Variants in ADAMTS12 observed in about 807,000 individuals in gnomAD.
ADAMTS12 encodes the protein ADAM metallopeptidase with thrombospondin type 1 motif 12.
In ADAMTS12, 118 loss-of-function variants were observed where a neutral mutation model predicts 167.8. The observed-to-expected ratio is 0.70, with a 90% CI of 0.61 to 0.82. The LOEUF is 0.82. Ranked by LOEUF, ADAMTS12 falls within the 40% of genes least tolerant of loss-of-function variation. The pLI, the probability that ADAMTS12 is intolerant of heterozygous loss-of-function variation, is 0.00. For missense variants in ADAMTS12, 1,916 were observed against 1,998.8 expected (o/e 0.96, Z 0.79); for synonymous variants, 704 against 716.9 (o/e 0.98, Z 0.29).
intron 3 of ADAMTS12, among the ~76,000 whole-genome samples, chr5:33,727,971 C>T (rs1744046478): frequency 6.6e-6 from 1 of 152,182 alleles, no homozygotes; most frequent in African/African-American, 2.4e-5. Flanking sequence ...AATGCAAGCC[C>T]TCAATAGATA....
intron 2 of ADAMTS12, among the ~76,000 whole-genome samples, chr5:33,815,227 T>C (rs1423480811): frequency 6.6e-6 from 1 of 152,192 alleles, no homozygotes; most frequent in African/African-American, 2.4e-5. Context: ...GTCAGGGAAG[T>C]TGTTACAAAC....
intron 2 of ADAMTS12, among the ~76,000 whole-genome samples, chr5:33,821,978 C>T (rs978947361): frequency 6.6e-6 from 1 of 152,160 alleles, no homozygotes; most frequent in African/African-American, 2.4e-5. Context: ...TACTCTTCCA[C>T]GTGTTTAATC....
In ADAMTS12 at chr5:33,561,177, G is replaced by A. The variant is rs746172500; in HGVS notation, c.3975C>T (p.Cys1325=). The A allele has an allele frequency of 2.5e-6, 4 of 1,613,700 alleles. No homozygotes were observed. The highest frequency in any genetic ancestry group is 2.7e-5 in the African/African-American group (2 of 75,050). ...AHWIVGNWSE[C]STTCGLGAYW... is the part of the protein sequence containing the mutation. ...AGGCCCCCAGGCCACATGTGGTGGA[G>A]CACTGTAGCAGGGAAGGAGAGAGAT... The change falls in exon 20 of 24, where the codon TGC becomes TGT. Residue 1325 remains cysteine (C), a splice_region_variant and synonymous_variant. Coordinates refer to ENST00000504830, the MANE Select transcript of ADAMTS12 (RefSeq NM_030955.4).
Position 33,740,292 on chromosome 5 carries a change from T to C in ADAMTS12, c.634+11112A>G, listed in dbSNP as rs139803727. Among the ~76,000 whole-genome samples the C allele has an allele frequency of 2.0e-4, 30 of 152,276 alleles. No individual in the cohort carries two copies. The East Asian group carries it at 4.8e-3, about 24-fold the overall frequency. On this transcript the variant is annotated intron_variant, in intron 3 of 23. Coordinates refer to ENST00000504830, the MANE Select transcript of ADAMTS12 (RefSeq NM_030955.4). ...TAGCAAATAATACAGCAGTCTCAGG[T>C]ATATCATTAATGTGTATCAGATTCA...
rs941207284 is a variant in ADAMTS12 at position 33,658,242 on chromosome 5, T to C, written c.1132A>G (p.Ile378Val). 41 of 1,613,638 alleles carry C rather than the reference T, an allele frequency of 2.5e-5. No individual in the cohort carries two copies. Among genetic ancestry groups the C allele is most frequent in the Non-Finnish European group, 3.3e-5 (39 of 1,179,722 alleles). ...AGAGGGAGTCCCGAATCTTCATTGA[T>C]GTTACAACTGCGGTGAGGCTGACAC... ...GMCQPHRSCN[I>V]NEDSGLPLAF... Residue 378 changes from isoleucine to valine, a missense_variant, in exon 7 of 24, where the codon ATC (isoleucine) becomes GTC (valine). Transcript: ENST00000504830.
intron 3 of ADAMTS12, among the ~76,000 whole-genome samples, chr5:33,748,981 A>G (rs2112386451): frequency 6.6e-6 from 1 of 152,358 alleles, no homozygotes; most frequent in Non-Finnish European, 1.5e-5. Flanking sequence ...AACAGTAACT[A>G]TGCATTACAC....
chr5:33,773,279 T>A (rs1277683572), intron 2 of ADAMTS12, among the ~76,000 whole-genome samples: 2 of 152,236 alleles, frequency 1.3e-5, no homozygotes, highest in African/African-American at 4.8e-5. Context: ...CTTGATATTT[T>A]GATTAGAGCT....
intron 2 of ADAMTS12, among the ~76,000 whole-genome samples, chr5:33,836,388 C>T (rs891679318): frequency 2.0e-5 from 3 of 152,176 alleles, no homozygotes; most frequent in Admixed American, 1.3e-4. Context: ...AGGGGTGGCA[C>T]ATTACATTTC....
intron 6 of ADAMTS12, 124 bp downstream of exon 6, chr5:33,661,792 C>T (rs375192410): frequency 5.8e-6 from 8 of 1,371,180 alleles, no homozygotes; most frequent in South Asian, 2.8e-5. Flanking sequence ...AGATCAAAGA[C>T]ACTGTCTTTA....
intron 19 of ADAMTS12, among the ~76,000 whole-genome samples, chr5:33,567,739 T>C (rs947536780): frequency 6.6e-6 from 1 of 152,220 alleles, no homozygotes; most frequent in African/African-American, 2.4e-5. Context: ...CAATGTTATT[T>C]TAAATAACTT....
intron 20 of ADAMTS12, among the ~76,000 whole-genome samples, chr5:33,553,521 T>C (rs1481398013): frequency 6.6e-6 from 1 of 152,238 alleles, no homozygotes; most frequent in Admixed American, 6.5e-5. Flanking sequence ...CACTATGGAA[T>C]ACTATGAAGC....
intron 5 of ADAMTS12, among the ~76,000 whole-genome samples, chr5:33,665,936 G>A (rs939780355): frequency 1.1e-4 from 16 of 152,152 alleles, no homozygotes; most frequent in African/African-American, 3.1e-4. Flanking sequence ...AGGAAATATC[G>A]TCTCCATAGG....
chr5:33,809,557 T>C (rs1372428889), intron 2 of ADAMTS12, among the ~76,000 whole-genome samples: 1 of 152,224 alleles, frequency 6.6e-6, no homozygotes. Flanking sequence ...TTGGGATGAC[T>C]TCTTCAATCT....
At chr5:33,716,469 C>T (rs554850113) in intron 3 of ADAMTS12, among the ~76,000 whole-genome samples, 42 of 152,214 alleles carry the variant, frequency 2.8e-4, no homozygotes, top group Admixed American at 5.2e-4. Context: ...CTATCTAGCT[C>T]AGCAATCTTA....
intron 18 of ADAMTS12, among the ~76,000 whole-genome samples, chr5:33,582,918 A>G (rs1747141921): frequency 6.6e-6 from 1 of 152,250 alleles, no homozygotes; most frequent in South Asian, 2.1e-4. Context: ...ACAGGCATGC[A>G]ATGTGAAATA....
At chr5:33,664,646 A>C (rs1306113741) in intron 5 of ADAMTS12, among the ~76,000 whole-genome samples, 1 of 152,202 alleles carries the variant, frequency 6.6e-6, no homozygotes, top group Non-Finnish European at 1.5e-5. Flanking sequence ...AAAAGATGAA[A>C]GATAAGATTT....
At chr5:33,845,435 A>G (rs191347093) in intron 2 of ADAMTS12, among the ~76,000 whole-genome samples, 192 of 152,378 alleles carry the variant, frequency 1.3e-3, no homozygotes, top group Middle Eastern at 6.8e-3. Context: ...CCAAACTGAG[A>G]TAATTGAATA....
intron 2 of ADAMTS12, among the ~76,000 whole-genome samples, chr5:33,842,064 C>T (rs577936227): frequency 4.6e-5 from 7 of 152,282 alleles, no homozygotes; most frequent in Non-Finnish European, 7.4e-5. Context: ...CTCATGCAAT[C>T]GGGTGAAGCC....
At chr5:33,590,792 T>C (rs1168440258) in intron 17 of ADAMTS12, among the ~76,000 whole-genome samples, 1 of 152,212 alleles carries the variant, frequency 6.6e-6, no homozygotes, top group Non-Finnish European at 1.5e-5. Context: ...AAATTTGTTC[T>C]TTATAAATTA....
Sources: allele counts gnomAD v4.1 joint callset (sites outside exome capture counted in the v4.1 genomes callset), GRCh38; gene constraint gnomAD v4.1.1; transcripts MANE v1.5; gene names NCBI Gene and HGNC (gene_info 2026-07-23, HGNC 2026-07-21).